ACTR3B: variants seen among roughly 807,000 people sequenced by gnomAD.
ACTR3B encodes actin related protein 3B, also known as actin-related protein 3B.
Under a neutral mutation model 59.0 loss-of-function variants are expected in ACTR3B, and 8 were observed. That is an observed-to-expected ratio of 0.14 (90% CI 0.08 to 0.24). The LOEUF (loss-of-function observed/expected upper bound fraction) is 0.24, where lower values mean the gene tolerates loss of function less well. Ranked by LOEUF, ACTR3B falls within the 10% of genes least tolerant of loss-of-function variation. ACTR3B has a pLI of 1.00. For synonymous variants in ACTR3B, 148 were observed against 197.9 expected, an observed-to-expected ratio of 0.75 and a Z score of 2.12; for missense variants, 245 against 552.3, an observed-to-expected ratio of 0.44 and a Z score of 5.58.
At chr7:152,844,305 G>A (rs1162634795) in intron 9 of ACTR3B, among the ~76,000 whole-genome samples, 1 of 152,084 alleles carries the variant, frequency 6.6e-6, no homozygotes, top group Non-Finnish European at 1.5e-5. Context: ...TGATCCGCCT[G>A]CCTCGGCCTC....
At chr7:152,827,634 C>T (rs1400411935) in intron 9 of ACTR3B, among the ~76,000 whole-genome samples, 171 of 150,128 alleles carry the variant, frequency 1.1e-3, no homozygotes, top group Non-Finnish European at 9.8e-4. Context: ...CACATCGCCT[C>T]AGGTCCCCGC....
chr7:152,841,909 T>C (rs1348974103), intron 9 of ACTR3B, among the ~76,000 whole-genome samples: 1 of 152,240 alleles, frequency 6.6e-6, no homozygotes, highest in Non-Finnish European at 1.5e-5. Context: ...ATAATTTATG[T>C]AGAGTCAAAT....
intron 2 of ACTR3B, among the ~76,000 whole-genome samples, chr7:152,791,072 G>A (rs1280366874): frequency 6.7e-6 from 1 of 149,348 alleles, no homozygotes; most frequent in Non-Finnish European, 1.5e-5. Flanking sequence ...GGAGTACAGT[G>A]GCATGATCTT....
At chr7:152,851,121 T>C (rs3111460) in intron 9 of ACTR3B, among the ~76,000 whole-genome samples, 1 of 152,234 alleles carries the variant, frequency 6.6e-6, no homozygotes, top group Non-Finnish European at 1.5e-5. Flanking sequence ...TTTTTTCTTG[T>C]ACATACATAC....
intron 2 of ACTR3B, among the ~76,000 whole-genome samples, chr7:152,791,895 T>C (rs1293672440): frequency 2.0e-5 from 3 of 152,140 alleles, no homozygotes; most frequent in Admixed American, 2.0e-4. Context: ...ACTCATACAG[T>C]GTGTGCCTTT....
chr7:152,838,667 A>G (rs1797651416), intron 9 of ACTR3B, among the ~76,000 whole-genome samples: 1 of 152,184 alleles, frequency 6.6e-6, no homozygotes, highest in African/African-American at 2.4e-5. Context: ...TGTACCCCAG[A>G]ACTTAAAGTA....
chr7:152,760,496 G>C (rs1186910601), intron 1 of ACTR3B, among the ~76,000 whole-genome samples: 1 of 152,176 alleles, frequency 6.6e-6, no homozygotes, highest in African/African-American at 2.4e-5. Flanking sequence ...CTCCCAACTT[G>C]ATACCATTTT....
chr7:152,774,434 C>A (rs527249736), intron 1 of ACTR3B, among the ~76,000 whole-genome samples: 1 of 139,146 alleles, frequency 7.2e-6, no homozygotes, highest in East Asian at 2.0e-4. Flanking sequence ...CTGCACCTGG[C>A]CTACATTTTT....
intron 2 of ACTR3B, among the ~76,000 whole-genome samples, chr7:152,787,717 CTT>C (rs1189585440): frequency 6.6e-6 from 1 of 151,960 alleles, no homozygotes; most frequent in Non-Finnish European, 1.5e-5. Context: ...TTTTCGGTGT[CTT>C]TTGTTTCATT....
At chr7:152,817,253 G>T (rs1358492604) in intron 6 of ACTR3B, among the ~76,000 whole-genome samples, 1 of 152,162 alleles carries the variant, frequency 6.6e-6, no homozygotes, top group South Asian at 2.1e-4. Flanking sequence ...GTGTGGTGGC[G>T]CATGCCTGTC....
At chr7:152,808,533 G>A (rs2098259473) in intron 4 of ACTR3B, among the ~76,000 whole-genome samples, 1 of 152,010 alleles carries the variant, frequency 6.6e-6, no homozygotes, top group Non-Finnish European at 1.5e-5. Flanking sequence ...ATTCTTGTTG[G>A]TGATGTCTTC....
intron 10 of ACTR3B, 136 bp downstream of exon 10, chr7:152,852,387 A>C (rs1590483687): frequency 1.7e-6 from 2 of 1,145,288 alleles, no homozygotes; most frequent in East Asian, 5.4e-5. Context: ...TCTGAGCTGC[A>C]TTGTGACATG....
intron 6 of ACTR3B, among the ~76,000 whole-genome samples, chr7:152,819,094 A>G (rs184328020): frequency 6.6e-6 from 1 of 152,252 alleles, no homozygotes; most frequent in African/African-American, 2.4e-5. Flanking sequence ...TAGAAAGCTA[A>G]TATTATTTTT....
chr7:152,849,601 G>A (rs1798634484), intron 9 of ACTR3B, among the ~76,000 whole-genome samples: 1 of 152,214 alleles, frequency 6.6e-6, no homozygotes, highest in South Asian at 2.1e-4. Flanking sequence ...AAATACACTA[G>A]CACTAATGAC....
chr7:152,770,964 AT>A, intron 1 of ACTR3B, among the ~76,000 whole-genome samples: 1 of 141,478 alleles, frequency 7.1e-6, no homozygotes, highest in Middle Eastern at 3.6e-3. Context: ...ATGGAATTTT[AT>A]TTTTTTTTCA....
intron 9 of ACTR3B, among the ~76,000 whole-genome samples, chr7:152,844,372 T>G (rs1798103996): frequency 6.6e-6 from 1 of 152,200 alleles, no homozygotes; most frequent in South Asian, 2.1e-4. Flanking sequence ...AAACTTTTTT[T>G]TAAATAAAAT....
chr7:152,770,336 TGA>T (rs1245785145), intron 1 of ACTR3B, among the ~76,000 whole-genome samples: 4 of 152,236 alleles, frequency 2.6e-5, no homozygotes, highest in African/African-American at 9.7e-5. Context: ...CATAGGTTTC[TGA>T]AGGTACTACT....
chr7:152,780,601 G>A lies in ACTR3B; in HGVS notation c.45-2586G>A, dbSNP rs550574471. Among the ~76,000 whole-genome samples, 56 of 151,922 alleles carry A rather than the reference G, an allele frequency of 3.7e-4. No individual in the cohort carries two copies. In the South Asian group the frequency reaches 0.011, roughly 30 times the overall value. ...CCTAACAGTGCTCAAGTCTGTTTTTGTAGTCTGACCTTTTCCTGCTGTGGG... is the reference window on the plus strand; with the variant it reads ...CCTAACAGTGCTCAAGTCTGTTTTTATAGTCTGACCTTTTCCTGCTGTGGG... On this transcript the variant is annotated intron_variant, in intron 1 of 11. Coordinates refer to ENST00000256001, the MANE Select transcript of ACTR3B (RefSeq NM_020445.6).
At chr7:152,773,941 C>A (rs372049390) in intron 1 of ACTR3B, among the ~76,000 whole-genome samples, 3 of 152,140 alleles carry the variant, frequency 2.0e-5, no homozygotes, top group African/African-American at 7.2e-5. Flanking sequence ...CCACAGGTAC[C>A]TGGGCACCAA....
Sources: allele counts gnomAD v4.1 joint callset (sites outside exome capture counted in the v4.1 genomes callset), GRCh38; gene constraint gnomAD v4.1.1; transcripts MANE v1.5; gene names NCBI Gene and HGNC (gene_info 2026-07-23, HGNC 2026-07-21).